CDH9: variants seen among roughly 807,000 people sequenced by gnomAD.
CDH9 encodes the protein cadherin-9.
Under a neutral mutation model 70.9 loss-of-function variants are expected in CDH9, and 28 were observed. The ratio of observed to expected loss-of-function variants is 0.40; its 90% confidence interval spans 0.29 to 0.54. The LOEUF is 0.54. Among genes scored for constraint, CDH9 ranks in the 20% least tolerant of loss-of-function variants. The pLI is 0.59. For missense variants in CDH9, 874 were observed against 984.4 expected, an observed-to-expected ratio of 0.89 and a Z score of 1.50; for synonymous variants, 409 against 343.1, an observed-to-expected ratio of 1.19 and a Z score of -2.12.
chr5:26,895,653 A>G (rs950019312), intron 7 of CDH9, among the ~76,000 whole-genome samples: 1 of 152,080 alleles, frequency 6.6e-6, no homozygotes, highest in Non-Finnish European at 1.5e-5. Flanking sequence ...CGTGATTACT[A>G]ATGAGGTGAA....
chr5:26,965,785 G>A (rs557919728), intron 2 of CDH9, among the ~76,000 whole-genome samples: 11 of 151,946 alleles, frequency 7.2e-5, no homozygotes, highest in East Asian at 5.8e-4. Context: ...ACTTTGGTCC[G>A]TTTTTGCCCC....
intron 3 of CDH9, among the ~76,000 whole-genome samples, chr5:26,914,374 C>CATTTAA (rs1741112432): frequency 6.6e-6 from 1 of 151,696 alleles, no homozygotes; most frequent in Non-Finnish European, 1.5e-5. Context: ...TAAATTAGCG[C>CATTTAA]ACTGGTCGAC....
intron 1 of CDH9, among the ~76,000 whole-genome samples, chr5:27,030,043 T>C (rs375180309): frequency 6.6e-6 from 1 of 152,036 alleles, no homozygotes; most frequent in East Asian, 1.9e-4. Context: ...AAGGATATCC[T>C]TTGCTTTTCA....
At chr5:26,961,185 T>G (rs2112060561) in intron 2 of CDH9, among the ~76,000 whole-genome samples, 1 of 152,258 alleles carries the variant, frequency 6.6e-6, no homozygotes, top group South Asian at 2.1e-4. Flanking sequence ...CAAGGTGTTT[T>G]GATACGTGCA....
intron 1 of CDH9, among the ~76,000 whole-genome samples, chr5:27,032,714 T>C (rs1743329907): frequency 6.6e-6 from 1 of 151,548 alleles, no homozygotes; most frequent in Admixed American, 6.6e-5. Context: ...AAAGCAATAC[T>C]ATTTAAACTT....
chr5:26,981,229 G>A (rs978991355), intron 2 of CDH9, among the ~76,000 whole-genome samples: 4 of 151,998 alleles, frequency 2.6e-5, no homozygotes, highest in Non-Finnish European at 5.9e-5. Context: ...TGGGTGATTG[G>A]TTCCAGGAAT....
chr5:27,032,882 T>C (rs1006072950), intron 1 of CDH9, among the ~76,000 whole-genome samples: 1 of 151,452 alleles, frequency 6.6e-6, no homozygotes, highest in Non-Finnish European at 1.5e-5. Flanking sequence ...GTATTATACA[T>C]GACTAATGTA....
At chr5:27,030,881 T>C (rs951976599) in intron 1 of CDH9, among the ~76,000 whole-genome samples, 2 of 151,934 alleles carry the variant, frequency 1.3e-5, no homozygotes, top group Admixed American at 1.3e-4. Context: ...TATAATTATA[T>C]ACTTAGTATA....
Position 26,972,572 on chromosome 5 carries a change from T to C in CDH9, c.228+15534A>G, listed in dbSNP as rs547343952. Among the ~76,000 whole-genome samples, 11 of 152,220 alleles carry C rather than the reference T, an allele frequency of 7.2e-5. No homozygotes were observed. The East Asian group carries it at 1.9e-3, about 27-fold the overall frequency. ...TATATAAGGATTTCTCTTCCCACTTTTCAGTCTGAGTTTGGGTGAAAAGTC... is the reference window on the plus strand; with the variant it reads ...TATATAAGGATTTCTCTTCCCACTTCTCAGTCTGAGTTTGGGTGAAAAGTC... On this transcript the variant is annotated intron_variant, in intron 2 of 11. Transcript: ENST00000231021.
chr5:27,005,900 C>T (rs556554751), intron 1 of CDH9, among the ~76,000 whole-genome samples: 7 of 152,148 alleles, frequency 4.6e-5, no homozygotes, highest in East Asian at 1.9e-4. Context: ...TATTATCCTA[C>T]GCAAGCTGAT....
chr5:27,024,926 C>T (rs1249433864), intron 1 of CDH9, among the ~76,000 whole-genome samples: 1 of 151,902 alleles, frequency 6.6e-6, no homozygotes, highest in Non-Finnish European at 1.5e-5. Context: ...GTCATAAATA[C>T]CATATCACTT....
intron 2 of CDH9, among the ~76,000 whole-genome samples, chr5:26,956,556 C>A (rs1295541966): frequency 6.6e-6 from 1 of 152,146 alleles, no homozygotes; most frequent in Non-Finnish European, 1.5e-5. Flanking sequence ...TCATCTTCAA[C>A]ATATAGGCTA....
intron 1 of CDH9, among the ~76,000 whole-genome samples, chr5:26,998,181 G>A (rs1286438895): frequency 2.0e-5 from 3 of 152,020 alleles, no homozygotes; most frequent in African/African-American, 7.2e-5. Context: ...TGCCCAACAG[G>A]GCTTCTATAC....
chr5:26,898,769 T>A (rs904568637), intron 7 of CDH9, among the ~76,000 whole-genome samples: 2 of 152,074 alleles, frequency 1.3e-5, no homozygotes, highest in African/African-American at 4.8e-5. Flanking sequence ...AGGCAAAGAC[T>A]TCATGACTAA....
At chr5:26,897,916 A>C (rs1740782154) in intron 7 of CDH9, among the ~76,000 whole-genome samples, 1 of 152,186 alleles carries the variant, frequency 6.6e-6, no homozygotes, top group Admixed American at 6.5e-5. Flanking sequence ...TTGTATATTT[A>C]GAAAACCCCA....
At chr5:26,951,289 CTCAA>C (rs1741839395) in intron 2 of CDH9, among the ~76,000 whole-genome samples, 1 of 6,102 alleles carries the variant, frequency 1.6e-4, no homozygotes. Context: ...AAGACTCTGT[CTCAA>C]AAAAAAAAAA....
At chr5:27,003,725 T>A (rs1451334909) in intron 1 of CDH9, among the ~76,000 whole-genome samples, 1 of 151,866 alleles carries the variant, frequency 6.6e-6, no homozygotes, top group African/African-American at 2.4e-5. Flanking sequence ...TTCTCAGAAA[T>A]CTGAGAAAAT....
intron 7 of CDH9, among the ~76,000 whole-genome samples, chr5:26,900,767 T>G (rs971410693): frequency 2.0e-5 from 3 of 152,018 alleles, no homozygotes; most frequent in Non-Finnish European, 4.4e-5. Flanking sequence ...CAACAGACAC[T>G]AAGGAGAAAT....
intron 2 of CDH9, among the ~76,000 whole-genome samples, chr5:26,956,632 C>A (rs1354639279): frequency 6.6e-6 from 1 of 152,040 alleles, no homozygotes; most frequent in Non-Finnish European, 1.5e-5. Context: ...CTGTATTAGC[C>A]CCCTGCCACC....
Sources: allele counts gnomAD v4.1 joint callset (sites outside exome capture counted in the v4.1 genomes callset), GRCh38; gene constraint gnomAD v4.1.1; transcripts MANE v1.5; gene names NCBI Gene and HGNC (gene_info 2026-07-23, HGNC 2026-07-21).